The following CDH23 variants were observed in gnomAD, a reference collection of about 807,000 sequenced individuals.
CDH23 encodes the protein cadherin related 23.
A neutral mutation model predicts 317.1 loss-of-function variants in CDH23; 189 were observed. That is an observed-to-expected ratio of 0.60 (90% CI 0.53 to 0.67). The LOEUF (loss-of-function observed/expected upper bound fraction) is 0.67, where lower values mean the gene tolerates loss of function less well. Among genes scored for constraint, CDH23 ranks in the 30% least tolerant of loss-of-function variants. The pLI is 0.00. For synonymous variants in CDH23, 1,839 were observed against 1,876.8 expected (o/e 0.98, Z 0.52); for missense variants, 4,401 against 4,592.4 (o/e 0.96, Z 1.20).
chr10:71,521,718 C>G (rs548321330), intron 6 of CDH23, among the ~76,000 whole-genome samples: 10 of 152,360 alleles, frequency 6.6e-5, no homozygotes, highest in South Asian at 6.2e-4. Flanking sequence ...AGCACATATC[C>G]CCTTCAGAAG....
chr10:71,517,567 G>A (rs2132221335), intron 6 of CDH23, among the ~76,000 whole-genome samples: 1 of 150,916 alleles, frequency 6.6e-6, no homozygotes, highest in African/African-American at 2.4e-5. Context: ...CTGGGGGGGA[G>A]ATGCGAGGGG....
At position 71,599,675 on chromosome 10, in the gene CDH23, C is replaced by T. The variant is rs533449653; in HGVS notation, c.833-15829C>T. On this transcript the variant is annotated intron_variant, in intron 9 of 69. Coordinates refer to ENST00000224721, the MANE Select transcript of CDH23 (RefSeq NM_022124.6). ...CATAGTAAAACTTTTATGTGTGGTC[C>T]CCAAAGCTTCTCAAAGCAGACCAGA... 2.0e-4 allele frequency among the ~76,000 whole-genome samples: 31 copies of T among 152,208 alleles called. 1 individual carries two copies. The highest frequency in any genetic ancestry group is 1.5e-3 in the East Asian group (8 of 5,182).
At chr10:71,446,458 T>C (rs1312638175) in intron 3 of CDH23, 63 bp downstream of exon 3, 1 of 1,458,164 alleles carries the variant, frequency 6.9e-7, no homozygotes, top group East Asian at 2.3e-5. Context: ...TTCCCACAAG[T>C]GAAGGGGATC....
chr10:71,563,142 C>A (rs1394664061), intron 6 of CDH23, among the ~76,000 whole-genome samples: 2 of 152,184 alleles, frequency 1.3e-5, no homozygotes, highest in East Asian at 3.9e-4. Flanking sequence ...GTCAAGGCAC[C>A]CGATTTCCAC....
At position 71,646,440 on chromosome 10, in the gene CDH23, C is replaced by T; in HGVS notation, c.1291-19C>T. The T allele has an allele frequency of 6.2e-7, 1 of 1,612,050 alleles. No homozygotes were observed. Among genetic ancestry groups the T allele is most frequent in the Non-Finnish European group, 8.5e-7 (1 of 1,178,998 alleles). On this transcript the variant is annotated intron_variant, in intron 13 of 69. Transcript: ENST00000224721. ...GGGACATGTGGGAGCTTACCTGGGC[C>T]CCTGTTCTGCACCCCCAGCTCTTTG...
At chr10:71,639,544 G>A (rs1237400773) in intron 11 of CDH23, among the ~76,000 whole-genome samples, 4 of 152,210 alleles carry the variant, frequency 2.6e-5, no homozygotes. Flanking sequence ...GGAAGGCCAG[G>A]AGAGCTGCAT....
intron 18 of CDH23, among the ~76,000 whole-genome samples, chr10:71,686,637 G>C (rs1050536687): frequency 6.6e-6 from 1 of 152,116 alleles, no homozygotes; most frequent in Admixed American, 6.5e-5. Context: ...GCCTTCTCAT[G>C]GAACTCCTAT....
intron 3 of CDH23, among the ~76,000 whole-genome samples, chr10:71,505,504 G>A (rs1279351916): frequency 2.0e-5 from 3 of 152,182 alleles, no homozygotes; most frequent in Admixed American, 2.0e-4. Context: ...CTGGGGCATT[G>A]GTTCCCGGCA....
chr10:71,425,376 G>A (rs1849024509), intron 1 of CDH23, among the ~76,000 whole-genome samples: 1 of 131,408 alleles, frequency 7.6e-6, no homozygotes, highest in Non-Finnish European at 1.7e-5. Flanking sequence ...AGAGGAGAAG[G>A]AAGGAAGGAA....
intron 14 of CDH23, chr10:71,647,201 G>A (rs963072905): frequency 1.7e-6 from 1 of 603,364 alleles, no homozygotes; most frequent in Non-Finnish European, 2.1e-6. Context: ...GGTGGCTCAC[G>A]CCTGTCATCC....
intron 38 of CDH23, among the ~76,000 whole-genome samples, chr10:71,742,251 A>G (rs939040872): frequency 3.9e-5 from 6 of 152,172 alleles, no homozygotes; most frequent in Non-Finnish European, 8.8e-5. Context: ...GCAAGTGGGT[A>G]TGAATCTAGC....
intron 44 of CDH23, among the ~76,000 whole-genome samples, chr10:71,787,019 G>T (rs1841124163): frequency 6.6e-6 from 1 of 152,138 alleles, no homozygotes; most frequent in African/African-American, 2.4e-5. Flanking sequence ...TGGTGACAGT[G>T]CACAGGGGTA....
intron 54 of CDH23, 22 bp downstream of exon 54, chr10:71,803,097 C>T (rs749609995): frequency 1.2e-6 from 2 of 1,603,726 alleles, no homozygotes; most frequent in South Asian, 1.1e-5. Context: ...TCCTTGGACA[C>T]CCATGATGTC....
At chr10:71,766,141 A>C (rs1840538711) in intron 38 of CDH23, among the ~76,000 whole-genome samples, 1 of 152,322 alleles carries the variant, frequency 6.6e-6, no homozygotes, top group South Asian at 2.1e-4. Flanking sequence ...TAAAATTACA[A>C]TTCTTTGGCG....
chr10:71,610,216 T>C (rs1589259652), intron 9 of CDH23, among the ~76,000 whole-genome samples: 1 of 152,240 alleles, frequency 6.6e-6, no homozygotes, highest in African/African-American at 2.4e-5. Flanking sequence ...TTGGCCATGC[T>C]GGTCTTGAAA....
At chr10:71,716,742 C>G (rs10999969) in intron 28 of CDH23, 13,114 of 178,190 alleles carry the variant, frequency 0.074, 1,302 homozygotes, top group African/African-American at 0.21. Flanking sequence ...GAGGCCGCAG[C>G]TGCCAGGGTC....
chr10:71,730,593 A>G lies in CDH23; in HGVS notation c.3704A>G (p.Asp1235Gly), dbSNP rs1027230842. 6.2e-7 allele frequency: 1 copy of G among 1,613,838 alleles called. No individual in the cohort carries two copies. The highest frequency in any genetic ancestry group is 8.5e-7 in the Non-Finnish European group (1 of 1,179,886). The stretch of plus-strand genomic sequence containing the variant: ...TCAGTCATCGTGGTCCAAGCCACAG[A>G]CCGAGACTCTGGTGAGGCTGGCAGG... ...GTSVIVVQAT[D>G]RDSGDGGLVN... Residue 1235 changes from aspartate to glycine, a missense_variant, in exon 31 of 70, where the codon GAC (aspartate) becomes GGC (glycine). Transcript: ENST00000224721.
chr10:71,812,863 C>A lies in CDH23; in HGVS notation c.9606C>A (p.Gly3202=), dbSNP rs193244823. The change falls in exon 68 of 70, where the codon GGC becomes GGA. Residue 3202 remains glycine (G), a synonymous_variant. Coordinates refer to ENST00000224721, the MANE Select transcript of CDH23 (RefSeq NM_022124.6). ...IQEYDNIAKL[G]QIIREGPIKG... Reference sequence around the variant, plus strand: ...AGTATGACAACATTGCCAAGCTGGGCCAGATCATTCGTGAGGGGCCAATCA... The same window carrying A: ...AGTATGACAACATTGCCAAGCTGGGACAGATCATTCGTGAGGGGCCAATCA... 6.0e-5 allele frequency: 97 copies of A among 1,613,662 alleles called. No individual in the cohort carries two copies. In the African/African-American group the frequency reaches 1.2e-3, roughly 20 times the overall value.
intron 1 of CDH23, among the ~76,000 whole-genome samples, chr10:71,426,341 G>A (rs1849077589): frequency 6.6e-6 from 1 of 152,218 alleles, no homozygotes; most frequent in African/African-American, 2.4e-5. Context: ...TGAGAGAATG[G>A]GGGACAGGCC....
Sources: allele counts gnomAD v4.1 joint callset (sites outside exome capture counted in the v4.1 genomes callset), GRCh38; gene constraint gnomAD v4.1.1; transcripts MANE v1.5; gene names NCBI Gene and HGNC (gene_info 2026-07-23, HGNC 2026-07-21).